Variants in CRHR2 observed in about 807,000 individuals in gnomAD.
CRHR2 encodes corticotropin releasing hormone receptor 2.
In CRHR2, 53 loss-of-function variants were observed where a neutral mutation model predicts 57.9. The ratio of observed to expected loss-of-function variants is 0.92; its 90% CI spans 0.73 to 1.15. The LOEUF (loss-of-function observed/expected upper bound fraction) is 1.15, where lower values mean the gene tolerates loss of function less well. Among genes scored for constraint, CRHR2 ranks in the 50% most tolerant of loss-of-function variants. The pLI, the probability that CRHR2 is intolerant of heterozygous loss-of-function variation, is 0.00. For missense variants in CRHR2, 532 were observed against 542.6 expected, an observed-to-expected ratio of 0.98 and a Z score of 0.19; for synonymous variants, 213 against 220.9, an observed-to-expected ratio of 0.96 and a Z score of 0.32.
intron 2 of CRHR2, among the ~76,000 whole-genome samples, chr7:30,674,231 T>G (rs1784447346): frequency 6.6e-6 from 1 of 151,594 alleles, no homozygotes; most frequent in Non-Finnish European, 1.5e-5. Flanking sequence ...GAAGGGGGAG[T>G]GGAACCCAGC....
upstream of CRHR2, among the ~76,000 whole-genome samples, chr7:30,683,221 T>C (rs1784781563): frequency 6.6e-6 from 1 of 152,206 alleles, no homozygotes; most frequent in South Asian, 2.1e-4. Context: ...TCTGGAAGGC[T>C]TTATACACCC....
chr7:30,688,307 A>T (rs947237077), intron 2 of CRHR2, among the ~76,000 whole-genome samples: 6 of 152,154 alleles, frequency 3.9e-5, no homozygotes, highest in African/African-American at 1.4e-4. Flanking sequence ...ATGGTGATGA[A>T]ATCAGCTTCT....
intron 7 of CRHR2, among the ~76,000 whole-genome samples, chr7:30,661,849 C>T (rs576140860): frequency 2.6e-5 from 4 of 152,302 alleles, no homozygotes; most frequent in East Asian, 1.9e-4. Flanking sequence ...CCACATACCC[C>T]GGGCCAGAGC....
upstream of CRHR2, chr7:30,686,537 A>G: frequency 6.6e-7 from 1 of 1,510,436 alleles, no homozygotes; most frequent in South Asian, 1.2e-5. Flanking sequence ...GGCCAGGTGC[A>G]GTGGCTCACA....
chr7:30,657,888 GTACCCATCCATC>G (rs1324745448), intron 8 of CRHR2, among the ~76,000 whole-genome samples: 3 of 151,570 alleles, frequency 2.0e-5, no homozygotes, highest in East Asian at 1.9e-4. Context: ...ATCCATCCAC[GTACCCATCCATC>G]TACCCATCCA....
intron 2 of CRHR2, among the ~76,000 whole-genome samples, chr7:30,675,008 G>A (rs1288656749): frequency 1.3e-5 from 2 of 152,134 alleles, no homozygotes; most frequent in Non-Finnish European, 2.9e-5. Context: ...AAGAAAACTG[G>A]GACTTGGACA....
Position 30,681,904 on chromosome 7 carries a change from G to C in CRHR2, c.229+11C>G, listed in dbSNP as rs1784720761. The C allele has an allele frequency of 2.5e-6, 4 of 1,606,338 alleles. No homozygotes were observed. The highest frequency in any genetic ancestry group is 3.4e-6 in the Non-Finnish European group (4 of 1,176,864). ...GGTGTAGAGCAGGCAGCGAGGGCCG[G>C]GGGCACTCACGGGTCGTGTTGTACT... On this transcript the variant is annotated intron_variant, in intron 2 of 11. Coordinates refer to ENST00000471646, the MANE Select transcript of CRHR2 (RefSeq NM_001883.5).
Position 30,688,396 on chromosome 7 carries a change from G to C in CRHR2, c.-167+795C>G, listed in dbSNP as rs190851175. ...CAGATGGGTTAGGTGAGTTTCCAGG[G>C]GCTGGGCGAGGCCGCTGGGTGGAAG... is the stretch of plus-strand genomic sequence containing the variant. On this transcript the variant is annotated intron_variant, in intron 2 of 13. Coordinates refer to the CRHR2 transcript ENST00000341843. Among the ~76,000 whole-genome samples the C allele has an allele frequency of 2.6e-3, 392 of 152,336 alleles. 5 individuals are homozygous for C. Among genetic ancestry groups the C allele is most frequent in the African/African-American group, 8.9e-3 (372 of 41,578 alleles).
At chr7:30,655,420 C>A (rs990087867) in intron 10 of CRHR2, among the ~76,000 whole-genome samples, 160 bp downstream of exon 10, 3 of 152,186 alleles carry the variant, frequency 2.0e-5, no homozygotes, top group African/African-American at 7.2e-5. Context: ...ATGGGGATAA[C>A]TGGCCAGGCT....
At chr7:30,676,430 A>G (rs1784517832) in intron 2 of CRHR2, among the ~76,000 whole-genome samples, 1 of 152,142 alleles carries the variant, frequency 6.6e-6, no homozygotes, top group South Asian at 2.1e-4. Flanking sequence ...TTCCGGATTT[A>G]CAGCTTCTAC....
chr7:30,694,020 G>T (rs1032119086), intron 1 of CRHR2, among the ~76,000 whole-genome samples: 1 of 152,214 alleles, frequency 6.6e-6, no homozygotes, highest in Non-Finnish European at 1.5e-5. Flanking sequence ...ACTGACTGTA[G>T]GCTGTGGGAG....
chr7:30,698,726 T>A (rs1785109176), intron 1 of CRHR2, among the ~76,000 whole-genome samples: 1 of 152,150 alleles, frequency 6.6e-6, no homozygotes, highest in Admixed American at 6.5e-5. Context: ...GTCCTCATGC[T>A]GTATCTGTGG....
chr7:30,654,746 C>T, intron 11 of CRHR2: 2 of 1,536,300 alleles, frequency 1.3e-6, no homozygotes, highest in Non-Finnish European at 1.7e-6. Flanking sequence ...TCTGTCACCA[C>T]CTCTGCTCTG....
rs931047012 is a variant in CRHR2 at position 30,652,724 on chromosome 7, A to C, written c.*736T>G. ...TTCCCATCCCACGCCTCCCTCCTCC[A>C]TGCCTCTGCTCCTCATTTTGCCCCG... On this transcript the variant is annotated 3_prime_UTR_variant, in exon 12 of 12. Transcript: ENST00000471646. This position sits in a 1 kb window ranked among gnomAD's most constrained non-coding sequence, Gnocchi z 4.4. 6.6e-6 allele frequency: 1 copy of C among 152,426 alleles called. No individual in the cohort carries two copies. The highest frequency in any genetic ancestry group is 2.4e-5 in the African/African-American group (1 of 41,474). The allele number at this position is 152,426 out of a possible 1,614,324, so 9.4% of individuals were successfully genotyped here. A position where few individuals can be genotyped will look rare whatever the true frequency, so the allele number is the denominator to read the frequency against.
In CRHR2 at chr7:30,665,371, C is replaced by G. The variant is rs139326171; in HGVS notation, c.425+159G>C. Among the ~76,000 whole-genome samples the G allele has an allele frequency of 2.6e-3, 399 of 152,260 alleles. 3 individuals carry two copies. Among genetic ancestry groups the G allele is most frequent in the African/African-American group, 9.2e-3 (381 of 41,550 alleles). Reference sequence around the variant, plus strand: ...TCCCACTCTGCACCCCACATGCCTGCTGGTGATTCATGCCCTGGCACCCCA... The same window carrying G: ...TCCCACTCTGCACCCCACATGCCTGGTGGTGATTCATGCCCTGGCACCCCA... On this transcript the variant is annotated intron_variant, in intron 4 of 11. Transcript: ENST00000471646. The surrounding 1 kb of genome is among the most constrained non-coding windows in gnomAD (Gnocchi z 4.5).
chr7:30,660,458 T>G, intron 8 of CRHR2, 115 bp downstream of exon 8: 2 of 1,058,956 alleles, frequency 1.9e-6, no homozygotes, highest in Non-Finnish European at 2.8e-6. Context: ...GGGTGGCATA[T>G]AGAGTGTGTG....
Position 30,660,631 on chromosome 7 carries a change from T to C in CRHR2, c.773A>G (p.Lys258Arg). 1 of 1,569,636 alleles carries C rather than the reference T, an allele frequency of 6.4e-7. No individual in the cohort carries two copies. Among genetic ancestry groups the C allele is most frequent in the Non-Finnish European group, 8.6e-7 (1 of 1,157,070 alleles). The change falls in exon 8 of 12, where the codon AAG becomes AGG. Residue 258 changes from lysine to arginine, a missense_variant. Coordinates refer to ENST00000471646, the MANE Select transcript of CRHR2 (RefSeq NM_001883.5). ...GTAGTCCACCAGGTCGCCAGGCTCCTTGCCAAACCAGCACCTGTGAAGATG... is the reference window on the plus strand; with the variant it reads ...GTAGTCCACCAGGTCGCCAGGCTCCCTGCCAAACCAGCACCTGTGAAGATG... Reference protein sequence around the residue: ...YYENEQCWFGKEPGDLVDYIY... With the variant: ...YYENEQCWFGREPGDLVDYIY...
chr7:30,658,720 A>T (rs1783881621), intron 8 of CRHR2, among the ~76,000 whole-genome samples: 1 of 152,218 alleles, frequency 6.6e-6, no homozygotes, highest in African/African-American at 2.4e-5. Flanking sequence ...AGTCACAGAG[A>T]CCACTAAGAC....
At chr7:30,683,287 C>T (rs1306016646), upstream of CRHR2, among the ~76,000 whole-genome samples, 1 of 152,240 alleles carries the variant, frequency 6.6e-6, no homozygotes, top group East Asian at 1.9e-4. Context: ...GAATGTGTCT[C>T]TCTTCCTCAA....
Sources: allele counts gnomAD v4.1 joint callset (sites outside exome capture counted in the v4.1 genomes callset), GRCh38; gene constraint gnomAD v4.1.1; non-coding constraint Gnocchi (gnomAD v3.1); transcripts MANE v1.5; gene names NCBI Gene and HGNC (gene_info 2026-07-23, HGNC 2026-07-21).